ARB2A: variants seen among roughly 807,000 people sequenced by gnomAD.
ARB2A encodes ARB2 cotranscriptional regulator A.
chr5:93,686,919 T>G, the ARB2A span, among the ~76,000 whole-genome samples: 1 of 152,096 alleles, frequency 6.6e-6, no homozygotes, highest in Non-Finnish European at 1.5e-5. Flanking sequence ...GGGAGGGACT[T>G]ATGGCATGAC....
chr5:93,965,206 G>T, the ARB2A span, among the ~76,000 whole-genome samples: 3 of 152,144 alleles, frequency 2.0e-5, no homozygotes, highest in South Asian at 2.1e-4. Context: ...GTGGGTCAGA[G>T]AGATGCAAAG....
chr5:93,952,249 C>G, the ARB2A span, among the ~76,000 whole-genome samples: 1 of 152,174 alleles, frequency 6.6e-6, no homozygotes, highest in East Asian at 1.9e-4. Context: ...TATGGAACCA[C>G]AAAACACTGA....
the ARB2A span, chr5:93,782,015 C>T: frequency 1.3e-6 from 1 of 773,074 alleles, no homozygotes; most frequent in Non-Finnish European, 1.6e-6. Context: ...AGTTTGGAAA[C>T]ACTGGACTCT....
chr5:94,012,569 T>C, the ARB2A span, among the ~76,000 whole-genome samples: 1 of 152,218 alleles, frequency 6.6e-6, no homozygotes, highest in Non-Finnish European at 1.5e-5. Context: ...TTGTCCGCAC[T>C]GTGCTGACCA....
At chr5:93,807,775 T>C in the ARB2A span, among the ~76,000 whole-genome samples, 1 of 151,904 alleles carries the variant, frequency 6.6e-6, no homozygotes, top group Non-Finnish European at 1.5e-5. Context: ...TCAAATATAA[T>C]CTAGTCTTCA....
chr5:93,871,418 T>G, the ARB2A span, among the ~76,000 whole-genome samples: 1 of 152,204 alleles, frequency 6.6e-6, no homozygotes, highest in Non-Finnish European at 1.5e-5. Flanking sequence ...GACTCCATAC[T>G]GCAACTAAAC....
chr5:93,774,695 G>A, the ARB2A span, among the ~76,000 whole-genome samples: 1 of 152,196 alleles, frequency 6.6e-6, no homozygotes, highest in Non-Finnish European at 1.5e-5. Context: ...CTAAGCACAA[G>A]AAGGCTGTGA....
chr5:94,050,690 A>C, the ARB2A span: 1 of 1,451,214 alleles, frequency 6.9e-7, no homozygotes, highest in Non-Finnish European at 9.4e-7. Flanking sequence ...TGAATATTTA[A>C]AATTGGGAAA....
chr5:94,094,919 G>A, the ARB2A span, among the ~76,000 whole-genome samples: 1 of 152,154 alleles, frequency 6.6e-6, no homozygotes, highest in Non-Finnish European at 1.5e-5. Context: ...AAGAAAAGGT[G>A]CACATAAGAC....
chr5:93,713,158 T>A, the ARB2A span, among the ~76,000 whole-genome samples: 1 of 152,186 alleles, frequency 6.6e-6, no homozygotes, highest in Admixed American at 6.5e-5. Context: ...AAAGATTTCT[T>A]GAGTAATAGC....
the ARB2A span, among the ~76,000 whole-genome samples, chr5:93,848,032 TTC>T: frequency 6.6e-6 from 1 of 152,226 alleles, no homozygotes; most frequent in Non-Finnish European, 1.5e-5. Context: ...CTTATTTAAC[TTC>T]TGTTAATAAC....
At chr5:93,982,842 T>A in the ARB2A span, among the ~76,000 whole-genome samples, 1 of 151,846 alleles carries the variant, frequency 6.6e-6, no homozygotes, top group Non-Finnish European at 1.5e-5. Flanking sequence ...ATCACCTGAG[T>A]TCAGGAATTC....
the ARB2A span, among the ~76,000 whole-genome samples, chr5:94,058,835 G>C: frequency 4.6e-5 from 7 of 152,154 alleles, no homozygotes; most frequent in Non-Finnish European, 1.0e-4. Context: ...AATGTTGGAG[G>C]TGGCCCTAGT....
the ARB2A span, among the ~76,000 whole-genome samples, chr5:93,824,710 G>A: frequency 3.9e-5 from 6 of 152,134 alleles, no homozygotes; most frequent in Admixed American, 3.9e-4. Flanking sequence ...GGACTGCAAC[G>A]TGGATGCCTA....
At chr5:93,899,466 A>C in the ARB2A span, among the ~76,000 whole-genome samples, 1 of 152,122 alleles carries the variant, frequency 6.6e-6, no homozygotes, top group African/African-American at 2.4e-5. Flanking sequence ...GCTTAAAAAA[A>C]ATTTTGATTA....
the ARB2A span, among the ~76,000 whole-genome samples, chr5:93,755,569 G>A: frequency 2.0e-5 from 3 of 152,344 alleles, no homozygotes; most frequent in East Asian, 3.9e-4. Flanking sequence ...CCCCAACTGC[G>A]GAAGCGGGAA....
chr5:93,970,420 T>G, the ARB2A span, among the ~76,000 whole-genome samples: 2 of 152,120 alleles, frequency 1.3e-5, no homozygotes, highest in Admixed American at 1.3e-4. Flanking sequence ...TAATAAAATA[T>G]GAACTAAAAC....
At chr5:93,702,726 C>T in the ARB2A span, among the ~76,000 whole-genome samples, 2 of 152,086 alleles carry the variant, frequency 1.3e-5, no homozygotes, top group African/African-American at 4.8e-5. Flanking sequence ...ATGAAGTCTC[C>T]TTCTTAATAT....
the ARB2A span, among the ~76,000 whole-genome samples, chr5:93,875,082 G>C: frequency 6.6e-6 from 1 of 152,130 alleles, no homozygotes; most frequent in Non-Finnish European, 1.5e-5. Flanking sequence ...TCAGCCTCCT[G>C]AGTAGCTGGG....
Sources: allele counts gnomAD v4.1 joint callset (sites outside exome capture counted in the v4.1 genomes callset), GRCh38; gene constraint gnomAD v4.1.1; transcripts MANE v1.5; gene names NCBI Gene and HGNC (gene_info 2026-07-23, HGNC 2026-07-21).